PCLO: variants seen among roughly 807,000 people sequenced by gnomAD.
The protein encoded by PCLO is protein piccolo.
PCLO carries 82 observed loss-of-function variants against 427.5 expected under a neutral mutation model. The ratio of observed to expected loss-of-function variants is 0.19; its 90% CI spans 0.16 to 0.23. The LOEUF is 0.23. Ranked by LOEUF, PCLO falls within the 10% of genes least tolerant of loss-of-function variation. The pLI is 1.00. For synonymous variants in PCLO, 2,357 were observed against 2,155.4 expected (o/e 1.09, Z -2.59); for missense variants, 6,239 against 6,115.9 (o/e 1.02, Z -0.67).
At chr7:83,059,228 G>A (rs376985763) in intron 3 of PCLO, among the ~76,000 whole-genome samples, 2 of 147,954 alleles carry the variant, frequency 1.4e-5, no homozygotes, top group East Asian at 3.9e-4. Flanking sequence ...TGGAACATAC[G>A]GTGCACCGAG....
intron 3 of PCLO, among the ~76,000 whole-genome samples, chr7:83,001,265 G>A (rs145164654): frequency 5.3e-4 from 81 of 151,966 alleles, no homozygotes; most frequent in African/African-American, 1.6e-3. Context: ...AGACGTACGG[G>A]TACAGAAAGA....
intron 3 of PCLO, among the ~76,000 whole-genome samples, chr7:83,005,605 A>G (rs528204005): frequency 6.6e-6 from 1 of 151,792 alleles, no homozygotes; most frequent in African/African-American, 2.4e-5. Flanking sequence ...CAAACAAGCA[A>G]GCAAGGAAGA....
At chr7:83,128,546 G>A (rs981112625) in intron 3 of PCLO, among the ~76,000 whole-genome samples, 9 of 151,894 alleles carry the variant, frequency 5.9e-5, no homozygotes, top group African/African-American at 2.2e-4. Flanking sequence ...AACCACTGTG[G>A]AAAACAAAGT....
At position 82,966,045 on chromosome 7, in the gene PCLO, A is replaced by T; in HGVS notation, c.3743T>A (p.Leu1248Gln). ...EKKPTPEDKK[L>Q]LPEAKTSAPE... ...GGCTGATGTTTTTGCCTCTGGGAGT[A>T]GCTTTTTGTCTTCAGGGGTTGGCTT... is the stretch of plus-strand genomic sequence containing the variant. Residue 1248 changes from leucine to glutamine, a missense_variant, in exon 4 of 25, where the codon CTA becomes CAA. Coordinates refer to ENST00000333891, the MANE Select transcript of PCLO (RefSeq NM_033026.6). 2 of 1,613,368 alleles carry T rather than the reference A, an allele frequency of 1.2e-6. No individual in the cohort carries two copies. The highest frequency in any genetic ancestry group is 2.2e-5 in the South Asian group (2 of 90,958).
chr7:83,039,586 A>G (rs947350968), intron 3 of PCLO, among the ~76,000 whole-genome samples: 6 of 152,076 alleles, frequency 3.9e-5, no homozygotes. Context: ...TACCACATTA[A>G]CTTCTTTACT....
rs183360258 is a variant in PCLO, at chr7:83,072,963, T to C, written c.3300+61287A>G. On this transcript the variant is annotated intron_variant, in intron 3 of 24. Coordinates refer to ENST00000333891, the MANE Select transcript of PCLO (RefSeq NM_033026.6). ...AAAATGGTTTCTCTTTCTGTCTCTC[T>C]GTCTCTCTCTGTCTCCCTCTCCCTT... 4.0e-4 allele frequency among the ~76,000 whole-genome samples: 60 copies of C among 151,776 alleles called. No individual in the cohort carries two copies. The East Asian group carries it at 0.011, about 28-fold the overall frequency.
intron 10 of PCLO, among the ~76,000 whole-genome samples, chr7:82,855,229 T>G (rs939867210): frequency 1.3e-5 from 2 of 152,144 alleles, no homozygotes; most frequent in Non-Finnish European, 2.9e-5. Flanking sequence ...TAGGCTAATG[T>G]TATATAGTAA....
chr7:83,153,712 G>C (rs973158547), intron 2 of PCLO, among the ~76,000 whole-genome samples: 1 of 152,056 alleles, frequency 6.6e-6, no homozygotes, highest in Non-Finnish European at 1.5e-5. Flanking sequence ...TATTCTCTTA[G>C]AGCCTAAACC....
chr7:83,082,584 AG>A (rs1790128946), intron 3 of PCLO, among the ~76,000 whole-genome samples: 1 of 151,746 alleles, frequency 6.6e-6, no homozygotes, highest in Non-Finnish European at 1.5e-5. Context: ...GTAGTACAAT[AG>A]GGTGACTACA....
At chr7:83,066,408 T>C (rs1007624390) in intron 3 of PCLO, among the ~76,000 whole-genome samples, 23 of 152,224 alleles carry the variant, frequency 1.5e-4, no homozygotes, top group Middle Eastern at 3.4e-3. Flanking sequence ...ACTTGAAATA[T>C]GTGCTCATAG....
chr7:83,010,392 AAAT>A (rs1788048987), intron 3 of PCLO, among the ~76,000 whole-genome samples: 1 of 151,756 alleles, frequency 6.6e-6, no homozygotes, highest in Non-Finnish European at 1.5e-5. Flanking sequence ...CTCCAAAATC[AAAT>A]GTATTGAATA....
chr7:83,093,472 G>GTGTGTGTGTGTGTATATATATATATA (rs745824155), intron 3 of PCLO, among the ~76,000 whole-genome samples: 8 of 99,194 alleles, frequency 8.1e-5, no homozygotes, highest in Non-Finnish European at 1.1e-4. Flanking sequence ...ATGTGTGTGT[G>GTGTGTGTGTGTGTATATATATATATA]TATAGATATA....
intron 10 of PCLO, among the ~76,000 whole-genome samples, chr7:82,878,696 T>TGAGGCGATTAGTATCTA (rs1347144034): frequency 6.6e-6 from 1 of 152,212 alleles, no homozygotes; most frequent in African/African-American, 2.4e-5. Context: ...TTTGATGTAA[T>TGAGGCGATTAGTATCTA]GAGGCGATTA....
At chr7:82,966,547 AT>A in intron 3 of PCLO, 60 bp from the exon 4 acceptor site, 1 of 1,110,574 alleles carries the variant, frequency 9.0e-7, no homozygotes, top group South Asian at 2.3e-5. Context: ...TGTTTCTGTG[AT>A]TTTACCAAAG....
At chr7:83,119,314 C>T (rs1293618952) in intron 3 of PCLO, among the ~76,000 whole-genome samples, 1 of 151,988 alleles carries the variant, frequency 6.6e-6, no homozygotes, top group African/African-American at 2.4e-5. Context: ...CAGCCCAGCA[C>T]AGAGAGAGAG....
chr7:82,969,417 T>C, intron 3 of PCLO, among the ~76,000 whole-genome samples: 1 of 152,146 alleles, frequency 6.6e-6, no homozygotes, highest in East Asian at 1.9e-4. Context: ...CTATTTCAAA[T>C]TAATGTTTTG....
intron 3 of PCLO, among the ~76,000 whole-genome samples, chr7:82,992,049 T>C (rs41572): frequency 0.74 from 112,807 of 152,024 alleles, 42,253 homozygotes; most frequent in East Asian, 0.92. Flanking sequence ...AGATTTTGCA[T>C]CTTCATCTCA....
chr7:82,864,577 T>C (rs968249385), intron 10 of PCLO, among the ~76,000 whole-genome samples: 7 of 152,220 alleles, frequency 4.6e-5, no homozygotes, highest in Non-Finnish European at 7.3e-5. Flanking sequence ...ATCTTGCCAT[T>C]TGGAGAGGAT....
intron 2 of PCLO, among the ~76,000 whole-genome samples, chr7:83,140,137 C>A (rs1791826544): frequency 6.6e-6 from 1 of 152,154 alleles, no homozygotes; most frequent in Admixed American, 6.5e-5. Context: ...ACTTCCACTG[C>A]TTTCTCAGTT....
Sources: gnomAD v4.1 joint callset for allele counts (sites outside exome capture counted in the v4.1 genomes callset) on GRCh38, gnomAD v4.1.1 for gene constraint, MANE v1.5 for transcripts, NCBI Gene and HGNC (gene_info 2026-07-23, HGNC 2026-07-21) for gene names.